The following CNST variants were observed in gnomAD, a reference collection of about 807,000 sequenced individuals.
The protein encoded by CNST is consortin, connexin sorting protein.
In CNST, 39 loss-of-function variants were observed where a neutral mutation model predicts 72.4. The observed-to-expected ratio is 0.54, with a 90% CI of 0.42 to 0.70. CNST has a LOEUF of 0.70. Ranked by LOEUF, CNST falls within the 30% of genes least tolerant of loss-of-function variation. The probability of loss-of-function intolerance (pLI) is 0.00; values close to 1 mark genes in which losing one functional copy is unlikely to be tolerated. For synonymous variants in CNST, 332 were observed against 320.1 expected (o/e 1.04, Z -0.40); for missense variants, 871 against 868.5 (o/e 1.00, Z -0.04).
At chr1:246,599,155 C>T (rs1339223242) in intron 2 of CNST, among the ~76,000 whole-genome samples, 1 of 147,948 alleles carries the variant, frequency 6.8e-6, no homozygotes, top group Non-Finnish European at 1.5e-5. Flanking sequence ...ACTTCAAGGT[C>T]ACTAGCCAAA....
intron 1 of CNST, chr1:246,566,908 G>A (rs1055256395): frequency 2.8e-6 from 1 of 354,608 alleles, no homozygotes; most frequent in African/African-American, 2.1e-5. Context: ...TCCCTCCCTA[G>A]GGGACTAGCG....
At position 246,591,844 on chromosome 1, in the gene CNST, C is replaced by T; in HGVS notation, c.282C>T (p.Ala94=). ...GENLQNTLCE[A]SRDEQAFLGK... ...ACTTGCAAAACACCCTTTGTGAAGC[C>T]TCCAGAGATGAACAGGCCTTCTTGG... Residue 94 remains alanine, a synonymous_variant, in exon 2 of 11, where the codon GCC becomes GCT. Transcript: ENST00000366513. The T allele has an allele frequency of 5.6e-6, 9 of 1,614,014 alleles. No homozygotes were observed. Among genetic ancestry groups the T allele is most frequent in the African/African-American group, 2.7e-5 (2 of 74,976 alleles).
intron 2 of CNST, among the ~76,000 whole-genome samples, chr1:246,619,906 C>CGTG (rs1663943641): frequency 8.0e-6 from 1 of 125,662 alleles, no homozygotes; most frequent in Admixed American, 8.5e-5. Context: ...CGGCTTCAGT[C>CGTG]GTGCATACAC....
rs563382062 is a variant in CNST at position 246,659,330 on chromosome 1, C to T, written c.1837-869C>T. On this transcript the variant is annotated intron_variant, in intron 9 of 10. Transcript: ENST00000366513. ...ATGTCCCAGGCCGGGTGCGGTGGCT[C>T]ACACCTGTAATCCCAGCACTTTGGG... Among the ~76,000 whole-genome samples the T allele has an allele frequency of 1.5e-3, 230 of 152,314 alleles. 2 individuals carry two copies. The highest frequency in any genetic ancestry group is 7.7e-4 in the East Asian group (4 of 5,180).
chr1:246,627,410 G>C (rs994821134), intron 3 of CNST, among the ~76,000 whole-genome samples: 1 of 152,076 alleles, frequency 6.6e-6, no homozygotes, highest in Non-Finnish European at 1.5e-5. Flanking sequence ...CCCACTTCAG[G>C]TCCTCTGGTA....
At chr1:246,586,774 T>C (rs1661228549) in intron 1 of CNST, among the ~76,000 whole-genome samples, 1 of 152,206 alleles carries the variant, frequency 6.6e-6, no homozygotes, top group African/African-American at 2.4e-5. Context: ...CTGTGTAACC[T>C]ATTTTTCTAC....
intron 2 of CNST, among the ~76,000 whole-genome samples, chr1:246,616,099 C>A: frequency 6.6e-6 from 1 of 152,096 alleles, no homozygotes; most frequent in East Asian, 1.9e-4. Context: ...ATAAATAGAA[C>A]TTTTTGTTCT....
chr1:246,616,780 CT>C (rs1663730595), intron 2 of CNST, among the ~76,000 whole-genome samples: 1 of 151,828 alleles, frequency 6.6e-6, no homozygotes, highest in Non-Finnish European at 1.5e-5. Context: ...GTCTCAATCT[CT>C]TGACCTCATG....
chr1:246,663,755 CTA>C (rs1667238044), intron 10 of CNST, among the ~76,000 whole-genome samples: 2 of 151,768 alleles, frequency 1.3e-5, no homozygotes, highest in African/African-American at 4.8e-5. Context: ...AAAAAAACAA[CTA>C]TTTTAAAATG....
intron 6 of CNST, among the ~76,000 whole-genome samples, chr1:246,639,175 C>T (rs2103115150): frequency 6.6e-6 from 1 of 152,016 alleles, no homozygotes. Flanking sequence ...TGTAGTGCAA[C>T]TCCACGCCGT....
intron 1 of CNST, among the ~76,000 whole-genome samples, chr1:246,587,536 T>G (rs191936452): frequency 1.3e-5 from 2 of 152,358 alleles, no homozygotes; most frequent in Admixed American, 1.3e-4. Flanking sequence ...TGGTTGTGGC[T>G]TAAAAGAATG....
In CNST at chr1:246,590,396, C is replaced by T. The variant is rs573627083; in HGVS notation, c.-51-1116C>T. Among the ~76,000 whole-genome samples, 3 of 152,180 alleles carry T rather than the reference C, an allele frequency of 2.0e-5. No individual in the cohort carries two copies. In the South Asian group the frequency reaches 6.2e-4, roughly 32 times the overall value. ...CAGGGCCAGGTGGTGGTGCCAGGGT[C>T]GTCTGGCTATTTATCTTACTTCTGT... On this transcript the variant is annotated intron_variant, in intron 1 of 10. Coordinates refer to ENST00000366513, the MANE Select transcript of CNST (RefSeq NM_152609.3).
intron 6 of CNST, among the ~76,000 whole-genome samples, chr1:246,637,672 G>A (rs1030680191): frequency 6.6e-6 from 1 of 152,204 alleles, no homozygotes; most frequent in African/African-American, 2.4e-5. Context: ...CCTGAAGATT[G>A]AGGCCTGTAA....
intron 1 of CNST, among the ~76,000 whole-genome samples, chr1:246,568,214 A>G (rs1659845838): frequency 1.3e-5 from 2 of 152,212 alleles, no homozygotes; most frequent in Non-Finnish European, 2.9e-5. Flanking sequence ...TTTAAAATGC[A>G]CTGTCTTATT....
intron 8 of CNST, among the ~76,000 whole-genome samples, chr1:246,642,326 A>G (rs922989624): frequency 6.6e-6 from 1 of 152,094 alleles, no homozygotes; most frequent in Non-Finnish European, 1.5e-5. Flanking sequence ...ATCTAACAGA[A>G]TAAGAAAAGG....
Position 246,591,638 on chromosome 1 carries a change from G to C in CNST, c.76G>C (p.Glu26Gln). 1 of 1,614,238 alleles carries C rather than the reference G, an allele frequency of 6.2e-7. No homozygotes were observed. The highest frequency in any genetic ancestry group is 8.5e-7 in the Non-Finnish European group (1 of 1,180,036). The change falls in exon 2 of 11, where the codon GAA (glutamate) becomes CAA (glutamine). Residue 26 changes from glutamate to glutamine, a missense_variant. Coordinates refer to ENST00000366513, the MANE Select transcript of CNST (RefSeq NM_152609.3). ...TGGATGTCATCCTGGTGACAGCGTG[G>C]AAAGGAGTGTGACCTGTCTGCCTTC... ...QDGCHPGDSV[E>Q]RSVTCLPSAS... is the part of the protein sequence containing the mutation.
chr1:246,636,402 A>G (rs2103108462), intron 6 of CNST, among the ~76,000 whole-genome samples: 1 of 152,250 alleles, frequency 6.6e-6, no homozygotes, highest in Admixed American at 6.5e-5. Flanking sequence ...GGTCTATCCC[A>G]TGCCACGGCC....
At chr1:246,602,075 T>G (rs78088882) in intron 2 of CNST, among the ~76,000 whole-genome samples, 1,839 of 152,292 alleles carry the variant, frequency 0.012, 44 homozygotes, top group African/African-American at 0.042. Context: ...ATGATAGAAA[T>G]GCATTCCCTG....
chr1:246,640,760 G>C (rs1190756361), intron 6 of CNST, among the ~76,000 whole-genome samples: 1 of 152,134 alleles, frequency 6.6e-6, no homozygotes, highest in Admixed American at 6.5e-5. Context: ...TATTGAACAT[G>C]ACATGAGCAT....
Sources: gnomAD v4.1 joint callset for allele counts (sites outside exome capture counted in the v4.1 genomes callset) on GRCh38, gnomAD v4.1.1 for gene constraint, MANE v1.5 for transcripts, NCBI Gene and HGNC (gene_info 2026-07-23, HGNC 2026-07-21) for gene names.